PDE11A: variants seen among roughly 807,000 people sequenced by gnomAD.
The protein encoded by PDE11A is dual 3',5'-cyclic-AMP and -GMP phosphodiesterase 11A.
Under a neutral mutation model 100.5 loss-of-function variants are expected in PDE11A, and 100 were observed. That is an observed-to-expected ratio of 1.00 (90% CI 0.85 to 1.18). The LOEUF (loss-of-function observed/expected upper bound fraction) is 1.18, where lower values mean the gene tolerates loss of function less well. Among genes scored for constraint, PDE11A ranks in the 50% most tolerant of loss-of-function variants. The probability of loss-of-function intolerance (pLI) is 0.00; values close to 1 mark genes in which losing one functional copy is unlikely to be tolerated. For synonymous variants in PDE11A, 381 were observed against 420.8 expected, an observed-to-expected ratio of 0.91 and a Z score of 1.16; for missense variants, 1,141 against 1,152.6, an observed-to-expected ratio of 0.99 and a Z score of 0.15.
intron 2 of PDE11A, among the ~76,000 whole-genome samples, chr2:177,906,201 G>GCGCA (rs2084785301): frequency 1.4e-5 from 2 of 146,052 alleles, no homozygotes; most frequent in Non-Finnish European, 3.0e-5. Context: ...ACGCACGCAC[G>GCGCA]CACACAATGG....
At position 177,890,819 on chromosome 2, in the gene PDE11A, C is replaced by T. The variant is rs577263676; in HGVS notation, c.1302+7239G>A. Among the ~76,000 whole-genome samples, 7 of 152,252 alleles carry T rather than the reference C, an allele frequency of 4.6e-5. No individual in the cohort carries two copies. In the South Asian group the frequency reaches 1.0e-3, roughly 23 times the overall value. On this transcript the variant is annotated intron_variant, in intron 4 of 19. Transcript: ENST00000286063. ...ACTCAAAAGGAGAAAATTCAAAGCT[C>T]TGTCAATTTAATAGTTGTGAAAATG...
At chr2:177,942,307 G>A (rs2085353669) in intron 2 of PDE11A, among the ~76,000 whole-genome samples, 2 of 152,152 alleles carry the variant, frequency 1.3e-5, no homozygotes, top group Non-Finnish European at 2.9e-5. Flanking sequence ...GATTAACCAT[G>A]TAAGGCATTT....
intron 5 of PDE11A, among the ~76,000 whole-genome samples, chr2:177,850,067 A>G (rs186943856): frequency 3.0e-4 from 46 of 152,320 alleles, no homozygotes; most frequent in African/African-American, 1.1e-3. Flanking sequence ...AAAAGAGCCC[A>G]CATTGCCAAG....
chr2:177,862,906 G>A (rs937743486), intron 5 of PDE11A, among the ~76,000 whole-genome samples: 1 of 151,804 alleles, frequency 6.6e-6, no homozygotes, highest in African/African-American at 2.4e-5. Flanking sequence ...CAAAATTGGA[G>A]GCATCACACT....
chr2:178,021,213 C>T (rs1170602368), intron 1 of PDE11A, among the ~76,000 whole-genome samples: 3 of 151,994 alleles, frequency 2.0e-5, no homozygotes, highest in Non-Finnish European at 2.9e-5. Context: ...CCACCTGCCT[C>T]GGCCTCCCAA....
chr2:177,881,332 C>CATCTATCT (rs1553485618), intron 4 of PDE11A, among the ~76,000 whole-genome samples: 1 of 139,724 alleles, frequency 7.2e-6, no homozygotes, highest in Non-Finnish European at 1.6e-5. Flanking sequence ...ATCTATCTAT[C>CATCTATCT]ATCTATCTGT....
In PDE11A at chr2:177,960,573, G is replaced by A. The variant is rs573261771; in HGVS notation, c.1071+53729C>T. 2.6e-5 allele frequency among the ~76,000 whole-genome samples: 4 copies of A among 151,788 alleles called. No individual in the cohort carries two copies. The East Asian group carries it at 7.8e-4, about 29-fold the overall frequency. On this transcript the variant is annotated intron_variant, in intron 2 of 19. Transcript: ENST00000286063. ...CTAAAAATGCCCAGGCTGCCCACACGAGAGAATTAAAGCAAACTATATAGA... is the reference window on the plus strand; with the variant it reads ...CTAAAAATGCCCAGGCTGCCCACACAAGAGAATTAAAGCAAACTATATAGA...
intron 10 of PDE11A, among the ~76,000 whole-genome samples, chr2:177,756,835 A>G (rs1368274111): frequency 6.6e-6 from 1 of 152,246 alleles, no homozygotes; most frequent in East Asian, 1.9e-4. Context: ...TTTTCAAACT[A>G]TGTAACCTTA....
Position 177,766,069 on chromosome 2 carries a change from A to G in PDE11A, c.1788+3254T>C, listed in dbSNP as rs369598999. On this transcript the variant is annotated intron_variant, in intron 10 of 19. Transcript: ENST00000286063. ...TAATCCAATACACTGGGACTCAGCC[A>G]TCCTTTAACTCAGTGGTCTCCATGC... 5.0e-4 allele frequency among the ~76,000 whole-genome samples: 76 copies of G among 152,200 alleles called. 1 individual carries two copies. In the East Asian group the frequency reaches 0.012, roughly 24 times the overall value.
chr2:177,855,903 AACACACACACACACACACAC>A lies in PDE11A; in HGVS notation c.1368-15540_1368-15521del, dbSNP rs57202805. 6.1e-4 allele frequency among the ~76,000 whole-genome samples: 85 copies of A among 139,664 alleles called. 1 individual carries two copies. The highest frequency in any genetic ancestry group is 4.8e-3 in the South Asian group (19 of 3,922). The allele number at this position is 139,664 out of a possible 152,430, so 91.6% of individuals were successfully genotyped here. On this transcript the variant is annotated intron_variant, in intron 5 of 19. Coordinates refer to ENST00000286063, the MANE Select transcript of PDE11A (RefSeq NM_016953.4). ...ATTCATAGACATCTAGAACGTATGC[AACACACACACACACACACAC>A]ACACACACACACACACACACACACA...
At chr2:177,816,644 C>T (rs2083043570) in intron 9 of PDE11A, among the ~76,000 whole-genome samples, 185 bp downstream of exon 9, 1 of 152,088 alleles carries the variant, frequency 6.6e-6, no homozygotes, top group East Asian at 1.9e-4. Context: ...CATCTGTGAA[C>T]CCCTGAAATC....
chr2:177,882,852 C>T (rs2084365899), intron 4 of PDE11A, among the ~76,000 whole-genome samples: 1 of 152,154 alleles, frequency 6.6e-6, no homozygotes, highest in Non-Finnish European at 1.5e-5. Flanking sequence ...AAAATAAAAA[C>T]TATACTCAAA....
chr2:177,666,712 T>C (rs1321946228), intron 18 of PDE11A, among the ~76,000 whole-genome samples: 1 of 139,242 alleles, frequency 7.2e-6, no homozygotes, highest in Admixed American at 7.7e-5. Flanking sequence ...GAGATATGTC[T>C]GTTCAGATCC....
intron 4 of PDE11A, among the ~76,000 whole-genome samples, chr2:177,879,934 CA>C (rs2084301710): frequency 6.6e-6 from 1 of 152,134 alleles, no homozygotes; most frequent in Non-Finnish European, 1.5e-5. Context: ...AAAATAGGGA[CA>C]AAACTTTTAT....
chr2:178,065,668 C>A (rs2087033804), intron 1 of PDE11A, among the ~76,000 whole-genome samples: 1 of 152,028 alleles, frequency 6.6e-6, no homozygotes, highest in Non-Finnish European at 1.5e-5. Flanking sequence ...AAACACTGTG[C>A]AAAGCTGGAA....
chr2:177,769,552 G>A (rs893745163), intron 9 of PDE11A, among the ~76,000 whole-genome samples, 179 bp from the exon 10 acceptor site: 9 of 152,084 alleles, frequency 5.9e-5, no homozygotes, highest in African/African-American at 2.2e-4. Context: ...ACATATTAAA[G>A]AATATTTTAT....
chr2:177,853,654 ATATATATATATATATATATATATATATG>A (rs1411948383), intron 5 of PDE11A, among the ~76,000 whole-genome samples: 5 of 23,022 alleles, frequency 2.2e-4, no homozygotes, highest in African/African-American at 6.4e-4. Context: ...ATATATATAT[ATATATATATATATATATATATATATATG>A]TGTGTGTGTG....
chr2:177,636,306 G>C (rs927185000), intron 19 of PDE11A, among the ~76,000 whole-genome samples: 1 of 152,020 alleles, frequency 6.6e-6, no homozygotes, highest in African/African-American at 2.4e-5. Context: ...AGTACACTTG[G>C]TATCACTGAA....
At chr2:177,633,401 A>T (rs76723068) in intron 19 of PDE11A, among the ~76,000 whole-genome samples, 3,953 of 152,314 alleles carry the variant, frequency 0.026, 147 homozygotes, top group African/African-American at 0.089. Context: ...CTGCTCAAAT[A>T]ATCCTCTGCT....
Sources: allele counts gnomAD v4.1 joint callset (sites outside exome capture counted in the v4.1 genomes callset), GRCh38; gene constraint gnomAD v4.1.1; transcripts MANE v1.5; gene names NCBI Gene and HGNC (gene_info 2026-07-23, HGNC 2026-07-21).